Variants in AQP1 observed in about 807,000 individuals in gnomAD.
AQP1 encodes the protein aquaporin-1.
A neutral mutation model predicts 19.7 loss-of-function variants in AQP1; 11 were observed. The ratio of observed to expected loss-of-function variants is 0.56; its 90% CI spans 0.35 to 0.92. The LOEUF is 0.92. Among genes scored for constraint, AQP1 ranks in the 40% least tolerant of loss-of-function variants. The probability of loss-of-function intolerance (pLI) is 0.01; values close to 1 mark genes in which losing one functional copy is unlikely to be tolerated. For synonymous variants in AQP1, 159 were observed against 166.7 expected, an observed-to-expected ratio of 0.95 and a Z score of 0.36; for missense variants, 320 against 369.7, an observed-to-expected ratio of 0.87 and a Z score of 1.10.
In AQP1 at chr7:30,924,046, C is replaced by T. The variant is rs753450220; in HGVS notation, c.*417C>T. On this transcript the variant is annotated 3_prime_UTR_variant, in exon 4 of 4. Coordinates refer to ENST00000311813, the MANE Select transcript of AQP1 (RefSeq NM_198098.4). ...CTTTGGGCACGGCCCTCCTTCTTTT[C>T]CTAACATGCACCTTGCTCCCAATGG... 1 of 1,279,150 alleles carries T rather than the reference C, an allele frequency of 7.8e-7. No homozygotes were observed. Among genetic ancestry groups the T allele is most frequent in the Non-Finnish European group, 1.0e-6 (1 of 984,016 alleles). The allele number at this position is 1,279,150 out of a possible 1,614,324, so 79.2% of individuals were successfully genotyped here.
At chr7:30,921,853 G>A in intron 1 of AQP1, 2 of 1,543,302 alleles carry the variant, frequency 1.3e-6, no homozygotes, top group Non-Finnish European at 1.8e-6. Context: ...TAGGGGCTGG[G>A]CTGGAGTTTC....
At position 30,922,657 on chromosome 7, in the gene AQP1, C is replaced by T. The variant is rs1034959097; in HGVS notation, c.630+13C>T. 1.5e-5 allele frequency: 24 copies of T among 1,611,796 alleles called. No individual in the cohort carries two copies. The highest frequency in any genetic ancestry group is 2.7e-5 in the African/African-American group (2 of 74,842). ...CAGCAACCACTGGGTAGGAGACCCA[C>T]GGGGGGTGGGGTGGGAAGCTTTGGT... On this transcript the variant is annotated intron_variant, in intron 3 of 3. Coordinates refer to ENST00000311813, the MANE Select transcript of AQP1 (RefSeq NM_198098.4).
rs1406551849 is a variant in AQP1 at position 30,917,200 on chromosome 7, A to G, written c.385-4866A>G. Among the ~76,000 whole-genome samples, 5 of 152,230 alleles carry G rather than the reference A, an allele frequency of 3.3e-5. No individual in the cohort carries two copies. In the East Asian group the frequency reaches 7.7e-4, roughly 23 times the overall value. On this transcript the variant is annotated intron_variant, in intron 1 of 3. Coordinates refer to ENST00000311813, the MANE Select transcript of AQP1 (RefSeq NM_198098.4). The stretch of plus-strand genomic sequence containing the variant: ...TCCTGCTGCTCCAAAGTGTACACAC[A>G]TGGCACAAACACAAACATGCACACA...
chr7:30,915,502 A>G (rs1859838), intron 1 of AQP1, among the ~76,000 whole-genome samples: 33,771 of 151,832 alleles, frequency 0.22, 4,776 homozygotes, highest in African/African-American at 0.4. Flanking sequence ...GGAGGAGGTG[A>G]GGGCCGTGGT....
chr7:30,912,363 C>T lies in AQP1; in HGVS notation c.384+70C>T, dbSNP rs1791189730. On this transcript the variant is annotated intron_variant, in intron 1 of 3. Coordinates refer to ENST00000311813, the MANE Select transcript of AQP1 (RefSeq NM_198098.4). The surrounding 1 kb of genome is among the most constrained non-coding windows in gnomAD (Gnocchi z 4.3). ...TGAAAGGCACTGGTTCCATCCTCTG[C>T]CCATTGTGCAGATGGGGACACTGAG... 1 of 1,564,198 alleles carries T rather than the reference C, an allele frequency of 6.4e-7. No homozygotes were observed. Among genetic ancestry groups the T allele is most frequent in the Non-Finnish European group, 8.6e-7 (1 of 1,158,154 alleles).
intron 1 of AQP1, among the ~76,000 whole-genome samples, chr7:30,918,769 C>T (rs2128589757): frequency 6.6e-6 from 1 of 152,298 alleles, no homozygotes; most frequent in South Asian, 2.1e-4. Context: ...CCTGGGCTGC[C>T]CTAGAGCCAG....
intron 1 of AQP1, among the ~76,000 whole-genome samples, chr7:30,916,514 C>T (rs1311875568): frequency 6.6e-6 from 1 of 152,230 alleles, no homozygotes; most frequent in Admixed American, 6.5e-5. Context: ...GCCAGGATCC[C>T]CTCAGTCAGG....
Position 30,924,105 on chromosome 7 carries a change from G to A in AQP1, c.*476G>A. 8 of 1,198,656 alleles carry A rather than the reference G, an allele frequency of 6.7e-6. No homozygotes were observed. The highest frequency in any genetic ancestry group is 8.5e-6 in the Non-Finnish European group (8 of 945,794). 74.3% of individuals were successfully genotyped at this position (1,198,656 alleles called of 1,614,324 possible). A position where few individuals can be genotyped will look rare whatever the true frequency, so the allele number is the denominator to read the frequency against. ...GGGGGAAGAGATCCCAGGAGGTGCA[G>A]TGGAGGGGGCAAGCTTTGCTCCTTC... On this transcript the variant is annotated 3_prime_UTR_variant, in exon 4 of 4. Coordinates refer to ENST00000311813, the MANE Select transcript of AQP1 (RefSeq NM_198098.4).
intron 1 of AQP1, among the ~76,000 whole-genome samples, chr7:30,915,915 G>A (rs905069348): frequency 2.6e-5 from 4 of 152,128 alleles, no homozygotes; most frequent in Admixed American, 6.5e-5. Flanking sequence ...CCATGTCCCT[G>A]CCCAGCCCGT....
intron 1 of AQP1, among the ~76,000 whole-genome samples, chr7:30,914,046 G>C (rs1008739598): frequency 3.3e-5 from 5 of 152,206 alleles, no homozygotes; most frequent in African/African-American, 1.2e-4. Flanking sequence ...GCACCTGCTG[G>C]CGAAGGCTTC....
intron 1 of AQP1, among the ~76,000 whole-genome samples, chr7:30,920,974 A>T (rs910990134): frequency 1.1e-4 from 17 of 152,112 alleles, no homozygotes; most frequent in Non-Finnish European, 1.9e-4. Context: ...ATTTTGCAAA[A>T]TTCTCTATGG....
chr7:30,919,737 CTCTT>C (rs1791450362), intron 1 of AQP1, among the ~76,000 whole-genome samples: 1 of 152,180 alleles, frequency 6.6e-6, no homozygotes, highest in African/African-American at 2.4e-5. Flanking sequence ...ATTTTACCTG[CTCTT>C]TCCTGGACAT....
At chr7:30,917,490 T>TG (rs1164621754) in intron 1 of AQP1, among the ~76,000 whole-genome samples, 1 of 152,182 alleles carries the variant, frequency 6.6e-6, no homozygotes, top group Admixed American at 6.5e-5. Flanking sequence ...CTTTCTCACA[T>TG]GGGGGGCTCA....
At chr7:30,914,618 G>A (rs887685944) in intron 1 of AQP1, among the ~76,000 whole-genome samples, 1 of 152,218 alleles carries the variant, frequency 6.6e-6, no homozygotes, top group African/African-American at 2.4e-5. Context: ...GGGCCTCAGG[G>A]GTGGCCTGGA....
intron 1 of AQP1, chr7:30,921,399 G>C: frequency 7.1e-7 from 1 of 1,417,846 alleles, no homozygotes; most frequent in Non-Finnish European, 9.2e-7. Flanking sequence ...TGGGGAGGAA[G>C]AAGAGAGAAG....
Position 30,922,617 on chromosome 7 carries a change from G to T in AQP1, c.603G>T (p.Val201=), listed in dbSNP as rs1791550637. The change falls in exon 3 of 4, where the codon GTG becomes GTT. Residue 201 remains valine (V), a synonymous_variant. Transcript: ENST00000311813. ...CTGCTCGGTCCTTTGGCTCCGCGGT[G>T]ATCACACACAACTTCAGCAACCACT... The part of the protein sequence containing the change: ...INPARSFGSA[V]ITHNFSNHWI... 6.2e-7 allele frequency: 1 copy of T among 1,614,170 alleles called. No individual in the cohort carries two copies. The highest frequency in any genetic ancestry group is 8.5e-7 in the Non-Finnish European group (1 of 1,180,014).
intron 1 of AQP1, among the ~76,000 whole-genome samples, chr7:30,920,210 G>A (rs183331724): frequency 4.6e-5 from 7 of 152,292 alleles, no homozygotes; most frequent in African/African-American, 1.4e-4. Flanking sequence ...ATTAATCATC[G>A]GGGAAGGGCT....
At chr7:30,916,810 G>A (rs1442938270) in intron 1 of AQP1, among the ~76,000 whole-genome samples, 1 of 152,232 alleles carries the variant, frequency 6.6e-6, no homozygotes, top group Non-Finnish European at 1.5e-5. Context: ...ACACGAAGAA[G>A]GGGCTGTCTC....
At chr7:30,914,665 G>A (rs995246651) in intron 1 of AQP1, among the ~76,000 whole-genome samples, 1 of 152,236 alleles carries the variant, frequency 6.6e-6, no homozygotes, top group African/African-American at 2.4e-5. Context: ...TGGGCAGCAG[G>A]TGACACACTC....
Sources: allele counts gnomAD v4.1 joint callset (sites outside exome capture counted in the v4.1 genomes callset), GRCh38; gene constraint gnomAD v4.1.1; non-coding constraint Gnocchi (gnomAD v3.1); transcripts MANE v1.5; gene names NCBI Gene and HGNC (gene_info 2026-07-23, HGNC 2026-07-21).